The following ST18 variants were observed in gnomAD, a reference collection of about 807,000 sequenced individuals.
The protein encoded by ST18 is suppression of tumorigenicity 18 protein.
ST18 carries 50 observed loss-of-function variants against 110.0 expected under a neutral mutation model. The observed-to-expected ratio is 0.45, with a 90% CI of 0.36 to 0.58. The LOEUF (loss-of-function observed/expected upper bound fraction) is 0.58, where lower values mean the gene tolerates loss of function less well. Among genes scored for constraint, ST18 ranks in the 20% least tolerant of loss-of-function variants. ST18 has a pLI of 0.00. For synonymous variants in ST18, 461 were observed against 452.4 expected (o/e 1.02, Z -0.24); for missense variants, 1,306 against 1,280.1 (o/e 1.02, Z -0.31).
chr8:52,124,989 C>T (rs1393124869), intron 23 of ST18, among the ~76,000 whole-genome samples: 1 of 152,172 alleles, frequency 6.6e-6, no homozygotes, highest in Non-Finnish European at 1.5e-5. Context: ...AGTCATGTGC[C>T]AAAGATGCCA....
intron 2 of ST18, among the ~76,000 whole-genome samples, chr8:52,355,298 A>G (rs1475428014): frequency 6.6e-6 from 1 of 152,146 alleles, no homozygotes; most frequent in African/African-American, 2.4e-5. Flanking sequence ...GGGCTCATGG[A>G]ATGGTCTATC....
At chr8:52,204,660 CAA>C (rs2079278117) in intron 8 of ST18, among the ~76,000 whole-genome samples, 1 of 152,192 alleles carries the variant, frequency 6.6e-6, no homozygotes, top group South Asian at 2.1e-4. Flanking sequence ...ATCCCTCAGT[CAA>C]GAGTGGCAAA....
intron 2 of ST18, among the ~76,000 whole-genome samples, chr8:52,320,473 G>A (rs771310496): frequency 1.3e-5 from 2 of 152,022 alleles, no homozygotes; most frequent in African/African-American, 2.4e-5. Context: ...TAATTCACAA[G>A]GAATTCTTTT....
intron 2 of ST18, among the ~76,000 whole-genome samples, chr8:52,270,429 G>T (rs1328836831): frequency 6.6e-6 from 1 of 152,134 alleles, no homozygotes; most frequent in Admixed American, 6.5e-5. Flanking sequence ...TTTTGTGTGT[G>T]TGTGGTGAGA....
At chr8:52,252,710 C>T (rs758062404) in intron 2 of ST18, among the ~76,000 whole-genome samples, 11 of 151,924 alleles carry the variant, frequency 7.2e-5, no homozygotes, top group Non-Finnish European at 1.6e-4. Flanking sequence ...TTATGTGCAA[C>T]AGTGATTTCC....
chr8:52,365,573 G>C (rs2140503782), intron 2 of ST18, among the ~76,000 whole-genome samples: 1 of 45,862 alleles, frequency 2.2e-5, no homozygotes, highest in South Asian at 1.4e-3. Flanking sequence ...AGAGCAACCA[G>C]AAACTAGTTT....
At chr8:52,295,784 T>C (rs1217096013) in intron 2 of ST18, among the ~76,000 whole-genome samples, 1 of 151,698 alleles carries the variant, frequency 6.6e-6, no homozygotes, top group East Asian at 1.9e-4. Context: ...GAAAATAGTT[T>C]GTTGAAACTG....
At chr8:52,374,399 A>G (rs1373043580) in intron 2 of ST18, among the ~76,000 whole-genome samples, 1 of 152,110 alleles carries the variant, frequency 6.6e-6, no homozygotes, top group African/African-American at 2.4e-5. Flanking sequence ...AGGCAGGAAC[A>G]CACTCCCTCG....
intron 22 of ST18, among the ~76,000 whole-genome samples, chr8:52,129,245 C>A (rs768791814): frequency 1.2e-4 from 18 of 151,996 alleles, no homozygotes; most frequent in Non-Finnish European, 2.2e-4. Context: ...GCAGGCAGAT[C>A]ATTTGAGTTC....
At position 52,142,935 on chromosome 8, in the gene ST18, T is replaced by G. The variant is rs769673535; in HGVS notation, c.2163A>C (p.Leu721=). Residue 721 remains leucine (L), a synonymous_variant, in exon 17 of 26, where the codon CTA becomes CTC. Coordinates refer to ENST00000689386, the MANE Select transcript of ST18 (RefSeq NM_001352837.2). ...KLHARDLKKE[L]ITCPTPGCDG... is the part of the protein sequence containing the mutation. ...TGGCATTGGGCACCACTTACGTGAT[T>G]AGTTCCTTTTTGAGATCTCTTGCAT... The G allele has an allele frequency of 1.1e-5, 18 of 1,610,518 alleles. No homozygotes were observed. Among genetic ancestry groups the G allele is most frequent in the Non-Finnish European group, 1.4e-5 (17 of 1,176,834 alleles).
intron 22 of ST18, among the ~76,000 whole-genome samples, chr8:52,127,352 C>G (rs537533988): frequency 6.6e-6 from 1 of 152,164 alleles, no homozygotes; most frequent in Non-Finnish European, 1.5e-5. Context: ...AGCACAAACT[C>G]AACTTGGAAA....
chr8:52,368,414 T>C (rs1391941385), intron 2 of ST18, among the ~76,000 whole-genome samples: 1 of 152,248 alleles, frequency 6.6e-6, no homozygotes, highest in Non-Finnish European at 1.5e-5. Flanking sequence ...ATCAAAATTC[T>C]GGTGTTTCTT....
intron 22 of ST18, among the ~76,000 whole-genome samples, chr8:52,130,774 C>T (rs1367397099): frequency 2.6e-5 from 4 of 152,190 alleles, no homozygotes; most frequent in Non-Finnish European, 5.9e-5. Context: ...TTAAAGATAA[C>T]TTCATTATTG....
At position 52,176,255 on chromosome 8, in the gene ST18, C is replaced by T. The variant is rs144772362; in HGVS notation, c.278-3672G>A. On this transcript the variant is annotated intron_variant, in intron 9 of 25. Coordinates refer to ENST00000689386, the MANE Select transcript of ST18 (RefSeq NM_001352837.2). ...GGTCAGGCTGGTCTCGAACTCCTGA[C>T]CTCGTGATCCGCCCGCCTCGGCCTC... Among the ~76,000 whole-genome samples, 567 of 152,252 alleles carry T rather than the reference C, an allele frequency of 3.7e-3. 5 individuals carry two copies. The highest frequency in any genetic ancestry group is 0.013 in the African/African-American group (546 of 41,536).
At chr8:52,380,025 TTCA>T (rs1324477185) in intron 2 of ST18, among the ~76,000 whole-genome samples, 1 of 152,202 alleles carries the variant, frequency 6.6e-6, no homozygotes, top group Non-Finnish European at 1.5e-5. Flanking sequence ...TTGAATGTTT[TTCA>T]TCATGTTTAG....
chr8:52,253,978 T>TGAGAGAGAGA (rs10547061), intron 2 of ST18, among the ~76,000 whole-genome samples: 2 of 149,630 alleles, frequency 1.3e-5, no homozygotes, highest in Admixed American at 6.7e-5. Flanking sequence ...TGTGAGAGAT[T>TGAGAGAGAGA]GAGAGAGAGA....
At chr8:52,370,207 G>T (rs1028498835) in intron 2 of ST18, among the ~76,000 whole-genome samples, 2 of 152,188 alleles carry the variant, frequency 1.3e-5, no homozygotes, top group Admixed American at 6.5e-5. Context: ...GAGGTGAGGG[G>T]TCTAGCGTCT....
At chr8:52,152,348 A>G (rs1347367330) in intron 15 of ST18, among the ~76,000 whole-genome samples, 1 of 152,214 alleles carries the variant, frequency 6.6e-6, no homozygotes, top group Non-Finnish European at 1.5e-5. Context: ...CAGCACAAAA[A>G]GGAGGGAGGG....
In ST18 at chr8:52,323,010, A is replaced by G. The variant is rs151077217; in HGVS notation, c.-465+86318T>C. On this transcript the variant is annotated intron_variant, in intron 2 of 25. Coordinates refer to ENST00000689386, the MANE Select transcript of ST18 (RefSeq NM_001352837.2). ...GATTTCTCACTGGGCATGGCCTCAG[A>G]GCTCCAGAGCAGTAGGAGTCAGACA... 5.9e-3 allele frequency among the ~76,000 whole-genome samples: 902 copies of G among 152,292 alleles called. 5 individuals carry two copies. Among genetic ancestry groups the G allele is most frequent in the African/African-American group, 0.021 (854 of 41,556 alleles).
Sources: gnomAD v4.1 joint callset for allele counts (sites outside exome capture counted in the v4.1 genomes callset) on GRCh38, gnomAD v4.1.1 for gene constraint, MANE v1.5 for transcripts, NCBI Gene and HGNC (gene_info 2026-07-23, HGNC 2026-07-21) for gene names.